The following CCNT1 variants were observed in gnomAD, a reference collection of about 807,000 sequenced individuals.
CCNT1 encodes the protein cyclin T1.
Under a neutral mutation model 67.3 loss-of-function variants are expected in CCNT1, and 18 were observed. The observed-to-expected ratio is 0.27, with a 90% CI of 0.18 to 0.40. CCNT1 has a LOEUF of 0.40. Among genes scored for constraint, CCNT1 ranks in the 10% least tolerant of loss-of-function variants. The pLI, the probability that CCNT1 is intolerant of heterozygous loss-of-function variation, is 1.00. For synonymous variants in CCNT1, 333 were observed against 310.3 expected (o/e 1.07, Z -0.77); for missense variants, 744 against 884.9 (o/e 0.84, Z 2.02).
chr12:48,716,401 C>A (rs537779285), intron 1 of CCNT1, 114 bp downstream of exon 1: 12 of 990,986 alleles, frequency 1.2e-5, no homozygotes, highest in Middle Eastern at 6.7e-4. Context: ...AACTAGACAT[C>A]CAGCTTCTGC....
At chr12:48,709,352 T>C (rs1008007372) in intron 2 of CCNT1, among the ~76,000 whole-genome samples, 2 of 152,214 alleles carry the variant, frequency 1.3e-5, no homozygotes, top group African/African-American at 4.8e-5. Flanking sequence ...CTGGAAACAA[T>C]GTATAATCTT....
Position 48,689,290 on chromosome 12 carries a change from C to A in CCNT1, c.*3743G>T, listed in dbSNP as rs1173200581. 2.0e-5 allele frequency: 3 copies of A among 152,166 alleles called. No homozygotes were observed. The highest frequency in any genetic ancestry group is 7.2e-5 in the African/African-American group (3 of 41,434). 9.4% of individuals were successfully genotyped at this position (152,166 alleles called of 1,614,324 possible). A position where few individuals can be genotyped will look rare whatever the true frequency, so the allele number is the denominator to read the frequency against. Reference sequence around the variant, plus strand: ...CATTAAAATGGAGAACTCTCTCACCCAAAAAGTAATTCTCATTCCAGACTA... The same window carrying A: ...CATTAAAATGGAGAACTCTCTCACCAAAAAAGTAATTCTCATTCCAGACTA... On this transcript the variant is annotated 3_prime_UTR_variant, in exon 9 of 9. Transcript: ENST00000261900.
chr12:48,701,049 G>C lies in CCNT1; in HGVS notation c.397C>G (p.Leu133Val), dbSNP rs1315523766. The C allele has an allele frequency of 1.3e-6, 2 of 1,589,786 alleles. No homozygotes were observed. The highest frequency in any genetic ancestry group is 1.7e-6 in the Non-Finnish European group (2 of 1,165,484). The stretch of plus-strand genomic sequence containing the variant: ...AAAATTATGCTTTCTAAAATGACCA[G>C]ATCTTGAACTTGTTGCAAATAAGCC... ...SEAYLQQVQD[L>V]VILESIILQT... The change falls in exon 4 of 9, where the codon CTG becomes GTG. Residue 133 changes from leucine (L) to valine (V), a missense_variant. Leu to Val is a conservative substitution (Grantham distance 32). Around this residue, in one of 3 missense-constraint regions of CCNT1, gnomAD observed 142 missense variants for 277.0 expected, o/e 0.51. Transcript: ENST00000261900.
chr12:48,699,684 C>T (rs914059340), intron 5 of CCNT1, 94 bp downstream of exon 5: 4 of 785,036 alleles, frequency 5.1e-6, no homozygotes, highest in Non-Finnish European at 8.3e-6. Context: ...TTAAATTTAG[C>T]CAAAGCAGAA....
chr12:48,704,376 A>G (rs1940321643), intron 3 of CCNT1, among the ~76,000 whole-genome samples: 1 of 152,220 alleles, frequency 6.6e-6, no homozygotes, highest in Non-Finnish European at 1.5e-5. Context: ...GTGGCATTAG[A>G]TTCTTATAGG....
intron 2 of CCNT1, 143 bp from the exon 3 acceptor site, chr12:48,706,039 C>T: frequency 1.6e-6 from 1 of 637,590 alleles, no homozygotes. Flanking sequence ...CGCCCCCCCG[C>T]TTCTACCATC....
intron 5 of CCNT1, among the ~76,000 whole-genome samples, chr12:48,699,483 T>C (rs1426759353): frequency 6.6e-6 from 1 of 152,188 alleles, no homozygotes. Flanking sequence ...AGAATTAAAA[T>C]AAGATCACCC....
chr12:48,710,785 C>T (rs1052259477), intron 2 of CCNT1, among the ~76,000 whole-genome samples: 170 of 152,302 alleles, frequency 1.1e-3, no homozygotes, highest in African/African-American at 4.0e-3. Flanking sequence ...AAGATATGGC[C>T]TGGCACAGTG....
intron 2 of CCNT1, among the ~76,000 whole-genome samples, chr12:48,712,628 T>C (rs1260075016): frequency 1.8e-4 from 14 of 76,658 alleles, no homozygotes; most frequent in Admixed American, 1.4e-3. Flanking sequence ...AGCAGGGAAA[T>C]ACTTGACTCA....
rs1168898051 is a variant in CCNT1 at position 48,705,899 on chromosome 12, G to GA, written c.244-4dup. ...AACAAGGCTGCTGGAGCCACAGACTGAATGGAGAGAAAATAAATCATATTT... is the reference window on the plus strand; with the variant it reads ...AACAAGGCTGCTGGAGCCACAGACTGAAATGGAGAGAAAATAAATCATATTT... On this transcript the variant is annotated splice_polypyrimidine_tract_variant and splice_region_variant and intron_variant, in intron 2 of 8. Transcript: ENST00000261900. 2 of 1,606,236 alleles carry GA rather than the reference G, an allele frequency of 1.2e-6. No homozygotes were observed. The highest frequency in any genetic ancestry group is 1.7e-6 in the Non-Finnish European group (2 of 1,177,844).
At chr12:48,715,821 G>A (rs1010407110) in intron 1 of CCNT1, among the ~76,000 whole-genome samples, 3 of 152,136 alleles carry the variant, frequency 2.0e-5, no homozygotes, top group Non-Finnish European at 4.4e-5. Context: ...TAAGGACCCG[G>A]TATTTTGTAA....
rs1940073295 is a variant in CCNT1 at position 48,691,543 on chromosome 12, T to C, written c.*1490A>G. The C allele has an allele frequency of 6.6e-6, 1 of 152,228 alleles. No homozygotes were observed. The highest frequency in any genetic ancestry group is 1.5e-5 in the Non-Finnish European group (1 of 68,036). The allele number at this position is 152,228 out of a possible 1,614,324, so 9.4% of individuals were successfully genotyped here. A position where few individuals can be genotyped will look rare whatever the true frequency, so the allele number is the denominator to read the frequency against. ...AGAATTCTTTCTAGCCAAGATTTTC[T>C]GAAAGATTTATTAAAAATGTTCACT... On this transcript the variant is annotated 3_prime_UTR_variant, in exon 9 of 9. Transcript: ENST00000261900.
chr12:48,692,042 A>C lies in CCNT1; in HGVS notation c.*991T>G, dbSNP rs2137219596. 1 of 152,170 alleles carries C rather than the reference A, an allele frequency of 6.6e-6. No homozygotes were observed. The highest frequency in any genetic ancestry group is 2.4e-5 in the African/African-American group (1 of 41,486). The allele number at this position is 152,170 out of a possible 1,614,324, so 9.4% of individuals were successfully genotyped here. On this transcript the variant is annotated 3_prime_UTR_variant, in exon 9 of 9. Coordinates refer to ENST00000261900, the MANE Select transcript of CCNT1 (RefSeq NM_001240.4). ...CTCACTTGAAAAAAAAGACACACCC[A>C]ATTCTGTAGGGCAGAAGCTGGCCTT...
chr12:48,705,374 C>A lies in CCNT1; in HGVS notation c.372+394G>T, dbSNP rs149314644. Among the ~76,000 whole-genome samples, 33 of 152,098 alleles carry A rather than the reference C, an allele frequency of 2.2e-4. No homozygotes were observed. The East Asian group carries it at 6.2e-3, about 29-fold the overall frequency. ...TGTCTCGAACTGGACTCAAGCAATTCTCCTGCCTCAGCCTCCCAAAGTGCT... is the reference window on the plus strand; with the variant it reads ...TGTCTCGAACTGGACTCAAGCAATTATCCTGCCTCAGCCTCCCAAAGTGCT... On this transcript the variant is annotated intron_variant, in intron 3 of 8. Coordinates refer to ENST00000261900, the MANE Select transcript of CCNT1 (RefSeq NM_001240.4).
chr12:48,711,629 T>A (rs564692415), intron 2 of CCNT1, among the ~76,000 whole-genome samples: 2 of 152,136 alleles, frequency 1.3e-5, no homozygotes, highest in Admixed American at 1.3e-4. Flanking sequence ...CCTTCTATTC[T>A]GGTGCTATCA....
At chr12:48,714,588 C>T (rs773192109) in intron 1 of CCNT1, 64 bp from the exon 2 acceptor site, 3 of 958,034 alleles carry the variant, frequency 3.1e-6, no homozygotes, top group Non-Finnish European at 5.1e-6. Flanking sequence ...TAACCTCTAT[C>T]TCCCTCCCAA....
intron 3 of CCNT1, among the ~76,000 whole-genome samples, chr12:48,703,639 A>T (rs1222276916): frequency 6.6e-6 from 1 of 152,022 alleles, no homozygotes; most frequent in Non-Finnish European, 1.5e-5. Context: ...ATAAAAATGT[A>T]TAATAATATT....
intron 6 of CCNT1, 77 bp from the exon 7 acceptor site, chr12:48,696,239 T>TAAAAAAAAAAAAAAAAAA: frequency 1.4e-5 from 1 of 70,378 alleles, no homozygotes; most frequent in East Asian, 5.2e-4. Flanking sequence ...CTCCATTATT[T>TAAAAAAAAAAAAAAAAAA]AAAAAAAAAA....
At chr12:48,701,211 T>A in intron 3 of CCNT1, 138 bp from the exon 4 acceptor site, 1 of 219,578 alleles carries the variant, frequency 4.6e-6, no homozygotes, top group Non-Finnish European at 8.9e-6. Context: ...AGAACTGAAA[T>A]ACAATCTTTT....
Sources: allele counts gnomAD v4.1 joint callset (sites outside exome capture counted in the v4.1 genomes callset), GRCh38; gene constraint gnomAD v4.1.1; regional missense constraint gnomAD v4.1.1; transcripts MANE v1.5; gene names NCBI Gene and HGNC (gene_info 2026-07-23, HGNC 2026-07-21).